The following EIF2B1 variants were observed in gnomAD, a reference collection of about 807,000 sequenced individuals.
The protein encoded by EIF2B1 is eukaryotic translation initiation factor 2B subunit alpha.
EIF2B1 carries 30 observed loss-of-function variants against 36.8 expected under a neutral mutation model. That is an observed-to-expected ratio of 0.81 (90% CI 0.61 to 1.10). The LOEUF is 1.10. Ranked by LOEUF, EIF2B1 falls within the 50% of genes least tolerant of loss-of-function variation. EIF2B1 has a pLI of 0.00. For synonymous variants in EIF2B1, 139 were observed against 142.2 expected (o/e 0.98, Z 0.16); for missense variants, 271 against 374.8 (o/e 0.72, Z 2.29).
chr12:123,631,443 C>A (rs371048480), intron 2 of EIF2B1, among the ~76,000 whole-genome samples: 3 of 151,634 alleles, frequency 2.0e-5, no homozygotes, highest in Non-Finnish European at 2.9e-5. Context: ...GAGGGCGAGG[C>A]GGACGGATCA....
rs1034109632 is a variant in EIF2B1 at position 123,622,876 on chromosome 12, G to A, written c.628-115C>T. On this transcript the variant is annotated intron_variant, in intron 7 of 8. Transcript: ENST00000424014. ...CTGTATTCCAGCATTTTGGGAGGCCGAGGTGGGTGGATCACCTGAACCCAT... is the reference window on the plus strand; with the variant it reads ...CTGTATTCCAGCATTTTGGGAGGCCAAGGTGGGTGGATCACCTGAACCCAT... The A allele has an allele frequency of 1.2e-5, 18 of 1,497,794 alleles. No individual in the cohort carries two copies. The African/African-American group carries it at 1.4e-4, about 11-fold the overall frequency. The allele number at this position is 1,497,794 out of a possible 1,614,324, so 92.8% of individuals were successfully genotyped here.
At chr12:123,631,153 C>T (rs559641830) in intron 2 of EIF2B1, among the ~76,000 whole-genome samples, 21 of 152,262 alleles carry the variant, frequency 1.4e-4, no homozygotes, top group Admixed American at 1.0e-3. Flanking sequence ...ACTTATAAAG[C>T]TGAACTGCTA....
intron 4 of EIF2B1, among the ~76,000 whole-genome samples, chr12:123,629,877 C>T (rs1489998780): frequency 6.6e-6 from 1 of 152,152 alleles, no homozygotes; most frequent in Non-Finnish European, 1.5e-5. Context: ...CAATGACAAC[C>T]ATCTCTAATA....
chr12:123,630,301 C>A lies in EIF2B1; in HGVS notation c.253-16G>T. ...TGGAGTAATCCTAGGAAGAAAAGAGCAAACTGAGGGGACAGGGAAGATCCA... is the reference window on the plus strand; with the variant it reads ...TGGAGTAATCCTAGGAAGAAAAGAGAAAACTGAGGGGACAGGGAAGATCCA... On this transcript the variant is annotated splice_polypyrimidine_tract_variant and intron_variant, in intron 3 of 8. Coordinates refer to ENST00000424014, the MANE Select transcript of EIF2B1 (RefSeq NM_001414.4). The surrounding 1 kb of genome is among the most constrained non-coding windows in gnomAD (Gnocchi z 4.6). 1 of 1,614,006 alleles carries A rather than the reference C, an allele frequency of 6.2e-7. No individual in the cohort carries two copies. Among genetic ancestry groups the A allele is most frequent in the Non-Finnish European group, 8.5e-7 (1 of 1,179,934 alleles).
chr12:123,632,591 A>T (rs1955203929), intron 1 of EIF2B1, 145 bp from the exon 2 acceptor site: 2 of 677,162 alleles, frequency 3.0e-6, no homozygotes, highest in Non-Finnish European at 5.3e-6. Context: ...GATGCAATAA[A>T]TGTTGATGGG....
chr12:123,622,849 G>A lies in EIF2B1; in HGVS notation c.628-88C>T. The A allele has an allele frequency of 1.9e-6, 3 of 1,589,736 alleles. No homozygotes were observed. In the South Asian group the frequency reaches 3.3e-5, roughly 18 times the overall value. ...AAGCGGGCCGGGCACAGTGGTGCATGCCTGTATTCCAGCATTTTGGGAGGC... is the reference window on the plus strand; with the variant it reads ...AAGCGGGCCGGGCACAGTGGTGCATACCTGTATTCCAGCATTTTGGGAGGC... On this transcript the variant is annotated intron_variant, in intron 7 of 8. Coordinates refer to ENST00000424014, the MANE Select transcript of EIF2B1 (RefSeq NM_001414.4).
At position 123,621,658 on chromosome 12, in the gene EIF2B1, A is replaced by G; in HGVS notation, c.*98T>C. The G allele has an allele frequency of 6.8e-7, 1 of 1,478,958 alleles. No individual in the cohort carries two copies. Among genetic ancestry groups the G allele is most frequent in the Non-Finnish European group, 9.4e-7 (1 of 1,062,412 alleles). The allele number at this position is 1,478,958 out of a possible 1,614,324, so 91.6% of individuals were successfully genotyped here. On this transcript the variant is annotated 3_prime_UTR_variant, in exon 9 of 9. Coordinates refer to ENST00000424014, the MANE Select transcript of EIF2B1 (RefSeq NM_001414.4). Reference sequence around the variant, plus strand: ...TCCTTACTCCATAAATCTTCATTAAACACATCTCAGTTTTGGCCTGACTCA... The same window carrying G: ...TCCTTACTCCATAAATCTTCATTAAGCACATCTCAGTTTTGGCCTGACTCA...
At chr12:123,632,809 A>G (rs368806890) in intron 1 of EIF2B1, among the ~76,000 whole-genome samples, 91 of 151,086 alleles carry the variant, frequency 6.0e-4, no homozygotes, top group African/African-American at 1.7e-3. Context: ...AGCCGGGCGT[A>G]GTGGCGGGCG....
rs577571604 is a variant in EIF2B1 at position 123,628,972 on chromosome 12, C to T, written c.369+1197G>A. 3.0e-4 allele frequency among the ~76,000 whole-genome samples: 45 copies of T among 152,162 alleles called. No homozygotes were observed. The South Asian group carries it at 6.0e-3, about 20-fold the overall frequency. On this transcript the variant is annotated intron_variant, in intron 4 of 8. Transcript: ENST00000424014. The stretch of plus-strand genomic sequence containing the variant: ...CGAAACCCGCACAATACTGACGGCA[C>T]AGCAGGTCTGTGGAAGGAGAAGGCC...
rs1254441243 is a variant in EIF2B1, at chr12:123,627,127, C to T, written c.399G>A (p.Val133=). The T allele has an allele frequency of 6.2e-7, 1 of 1,614,192 alleles. No individual in the cohort carries two copies. The highest frequency in any genetic ancestry group is 8.5e-7 in the Non-Finnish European group (1 of 1,180,030). Residue 133 remains valine (V), a synonymous_variant, in exon 5 of 9, where the codon GTG becomes GTA. Coordinates refer to ENST00000424014, the MANE Select transcript of EIF2B1 (RefSeq NM_001414.4). The part of the protein sequence containing the change: ...ATILTHAYSR[V]VLRVLEAAVA... ...CGGCTGCTTCCAGGACTCTCAGGAC[C>T]ACTCTGGAGTAGGCGTGAGTCAATA...
At chr12:123,623,186 G>GT (rs1955120618) in intron 7 of EIF2B1, among the ~76,000 whole-genome samples, 2 of 152,110 alleles carry the variant, frequency 1.3e-5, no homozygotes, top group Non-Finnish European at 2.9e-5. Flanking sequence ...TTTGAGACCA[G>GT]CTGGCCAATA....
chr12:123,621,156 G>C lies in EIF2B1; in HGVS notation c.*600C>G, dbSNP rs1368355936. 1 of 158,886 alleles carries C rather than the reference G, an allele frequency of 6.3e-6. No individual in the cohort carries two copies. The highest frequency in any genetic ancestry group is 1.4e-5 in the Non-Finnish European group (1 of 71,862). The allele number at this position is 158,886 out of a possible 1,614,324, so 9.8% of individuals were successfully genotyped here. A position where few individuals can be genotyped will look rare whatever the true frequency, so the allele number is the denominator to read the frequency against. On this transcript the variant is annotated 3_prime_UTR_variant, in exon 9 of 9. Transcript: ENST00000424014. ...AGAATTTCAGTTTACAAATATTCCAGAAGGCATTTTCTTAAGCAGTGAACC... is the reference window on the plus strand; with the variant it reads ...AGAATTTCAGTTTACAAATATTCCACAAGGCATTTTCTTAAGCAGTGAACC...
chr12:123,628,534 T>C (rs1416606328), intron 4 of EIF2B1, among the ~76,000 whole-genome samples: 1 of 151,830 alleles, frequency 6.6e-6, no homozygotes, highest in Non-Finnish European at 1.5e-5. Flanking sequence ...GGCTAACTTT[T>C]TGTATTTTTA....
Position 123,624,783 on chromosome 12 carries a change from T to TTA in EIF2B1, c.627+2_627+3dup. On this transcript the variant is annotated splice_donor_region_variant and intron_variant, in intron 7 of 8. Transcript: ENST00000424014. Reference sequence around the variant, plus strand: ...AGGGAACTGGGGAGAACTGATGCTCTTACCTTGTTAATAATTCCTCCGTTT... The same window carrying TTA: ...AGGGAACTGGGGAGAACTGATGCTCTTATACCTTGTTAATAATTCCTCCGTTT... 1 of 1,613,624 alleles carries TTA rather than the reference T, an allele frequency of 6.2e-7. No individual in the cohort carries two copies. Among genetic ancestry groups the TTA allele is most frequent in the Non-Finnish European group, 8.5e-7 (1 of 1,179,560 alleles).
Position 123,620,610 on chromosome 12 carries a change from ATATAT to A in EIF2B1, c.*1141_*1145del, listed in dbSNP as rs1955066318. On this transcript the variant is annotated 3_prime_UTR_variant, in exon 9 of 9. Transcript: ENST00000424014. ...TATATATATATATATATATATATAT[ATATAT>A]ATATATATATATAAGCTCTTTTTTC... The A allele has an allele frequency of 1.3e-5, 1 of 76,978 alleles. No individual in the cohort carries two copies. Among genetic ancestry groups the A allele is most frequent in the African/African-American group, 4.1e-5 (1 of 24,178 alleles). 4.8% of individuals were successfully genotyped at this position (76,978 alleles called of 1,614,324 possible).
intron 4 of EIF2B1, among the ~76,000 whole-genome samples, chr12:123,629,150 G>A (rs973980233): frequency 4.6e-5 from 7 of 152,138 alleles, no homozygotes; most frequent in Non-Finnish European, 7.4e-5. Flanking sequence ...TGGAGGACAA[G>A]ATTTAAGAGT....
rs570711828 is a variant in EIF2B1, at chr12:123,624,137, ATATAT to A, written c.627+645_627+649del. Among the ~76,000 whole-genome samples the A allele has an allele frequency of 3.7e-3, 560 of 149,826 alleles. 6 individuals carry two copies. Among genetic ancestry groups the A allele is most frequent in the African/African-American group, 0.012 (495 of 41,052 alleles). ...TAATATTTTAAAAATATTTGTGTAT[ATATAT>A]TATGTGTGTGTATATATATGCATAA... On this transcript the variant is annotated intron_variant, in intron 7 of 8. Coordinates refer to ENST00000424014, the MANE Select transcript of EIF2B1 (RefSeq NM_001414.4).
chr12:123,633,432 C>T, intron 1 of EIF2B1, 113 bp downstream of exon 1: 1 of 1,494,086 alleles, frequency 6.7e-7, no homozygotes, highest in Non-Finnish European at 9.3e-7. Context: ...ACCAGCGGAG[C>T]AGCCTGAAAT....
chr12:123,623,187 C>A (rs1180753728), intron 7 of EIF2B1, among the ~76,000 whole-genome samples: 2 of 152,072 alleles, frequency 1.3e-5, no homozygotes, highest in Non-Finnish European at 2.9e-5. Context: ...TTGAGACCAG[C>A]TGGCCAATAT....
Sources: allele counts gnomAD v4.1 joint callset (sites outside exome capture counted in the v4.1 genomes callset), GRCh38; gene constraint gnomAD v4.1.1; non-coding constraint Gnocchi (gnomAD v3.1); transcripts MANE v1.5; gene names NCBI Gene and HGNC (gene_info 2026-07-23, HGNC 2026-07-21).